Variants in DRC7 observed in about 807,000 individuals in gnomAD.
The protein encoded by DRC7 is dynein regulatory complex subunit 7.
Under a neutral mutation model 104.4 loss-of-function variants are expected in DRC7, and 80 were observed. The ratio of observed to expected loss-of-function variants is 0.77; its 90% CI spans 0.64 to 0.92. The LOEUF (loss-of-function observed/expected upper bound fraction) is 0.92. Ranked by LOEUF, DRC7 falls within the 40% of genes least tolerant of loss-of-function variation. DRC7 has a pLI of 0.00. For synonymous variants in DRC7, 405 were observed against 447.3 expected (o/e 0.91, Z 1.19); for missense variants, 1,034 against 1,141.1 (o/e 0.91, Z 1.35).
chr16:57,716,411 G>A (rs1389706919), intron 8 of DRC7, among the ~76,000 whole-genome samples: 2 of 150,824 alleles, frequency 1.3e-5, no homozygotes, highest in African/African-American at 4.9e-5. Flanking sequence ...GCTGAGGCAT[G>A]AGAATCGCTT....
chr16:57,722,574 C>T (rs1281745407), intron 10 of DRC7, 139 bp from the exon 11 acceptor site: 47 of 1,172,120 alleles, frequency 4.0e-5, no homozygotes, highest in Non-Finnish European at 5.3e-5. Flanking sequence ...TTATTCTCCT[C>T]GGCCTCCCTG....
At chr16:57,699,770 C>G (rs1246538513) in intron 4 of DRC7, among the ~76,000 whole-genome samples, 1 of 152,138 alleles carries the variant, frequency 6.6e-6, no homozygotes, top group Non-Finnish European at 1.5e-5. Flanking sequence ...CCCTGACTTG[C>G]TGGGTCACCT....
At chr16:57,714,539 T>C (rs148607552) in intron 8 of DRC7, among the ~76,000 whole-genome samples, 1,821 of 152,070 alleles carry the variant, frequency 0.012, 34 homozygotes, top group African/African-American at 0.041. Context: ...GGTGGGACGA[T>C]TGCTTGAGCC....
chr16:57,726,553 A>G (rs1418797314), intron 14 of DRC7: 4 of 558,630 alleles, frequency 7.2e-6, no homozygotes, highest in African/African-American at 1.9e-5. Flanking sequence ...GATCCTAGGG[A>G]GGCTCTGTGG....
At chr16:57,706,495 C>T (rs1324185369) in intron 7 of DRC7, among the ~76,000 whole-genome samples, 3 of 144,950 alleles carry the variant, frequency 2.1e-5, no homozygotes, top group African/African-American at 7.8e-5. Flanking sequence ...TCCTCTCATC[C>T]ATGCTTCCAT....
Position 57,699,679 on chromosome 16 carries a change from C to T in DRC7, c.379-466C>T, listed in dbSNP as rs527601602. On this transcript the variant is annotated intron_variant, in intron 4 of 18. Transcript: ENST00000360716. The stretch of plus-strand genomic sequence containing the variant: ...GGCCCCAGCCCAGAACCTCTGTAGG[C>T]CCCAGGGAGAGCATCGCTCCTGGGA... 3.9e-5 allele frequency among the ~76,000 whole-genome samples: 6 copies of T among 152,244 alleles called. 1 individual carries two copies. In the South Asian group the frequency reaches 1.2e-3, roughly 32 times the overall value.
Position 57,730,934 on chromosome 16 carries a change from A to G in DRC7, c.2395A>G (p.Thr799Ala), listed in dbSNP as rs752801600. 6.2e-7 allele frequency: 1 copy of G among 1,613,130 alleles called. No individual in the cohort carries two copies. Among genetic ancestry groups the G allele is most frequent in the East Asian group, 2.2e-5 (1 of 44,882 alleles). The change falls in exon 18 of 19, where the codon ACC becomes GCC. Residue 799 changes from threonine to alanine, a missense_variant. Physicochemically the swap from Thr to Ala is moderately conservative, Grantham distance 58. Coordinates refer to ENST00000360716, the MANE Select transcript of DRC7 (RefSeq NM_001289162.2). ...TCTGTCTGCCCTATGACCACAGGAG[A>G]CCCAGGAGCTGCAAAAGAAGCAGCA... ...NLIQARFEKE[T>A]QELQKKQQWY...
At position 57,724,769 on chromosome 16, in the gene DRC7, C is replaced by G. The variant is rs759518888; in HGVS notation, c.1692C>G (p.Ala564=). The G allele has an allele frequency of 1.9e-6, 3 of 1,613,802 alleles. No individual in the cohort carries two copies. The highest frequency in any genetic ancestry group is 1.7e-6 in the Non-Finnish European group (2 of 1,180,020). Residue 564 remains alanine (A), a synonymous_variant, in exon 13 of 19, where the codon GCC becomes GCG. Coordinates refer to ENST00000360716, the MANE Select transcript of DRC7 (RefSeq NM_001289162.2). ...GRPDFLSYRH[A]SFGPRVKKLT... ...CAGACTTCCTCTCCTACCGCCATGC[C>G]AGCTTCGGACCCCGAGTCAAGAAGC...
intron 17 of DRC7, 82 bp downstream of exon 17, chr16:57,728,666 C>A: frequency 5.0e-6 from 6 of 1,205,674 alleles, no homozygotes; most frequent in Non-Finnish European, 5.7e-6. Context: ...CCGCCCACTA[C>A]CTCACAGGCT....
At chr16:57,717,504 G>T (rs28638789) in intron 8 of DRC7, among the ~76,000 whole-genome samples, 28,226 of 151,240 alleles carry the variant, frequency 0.19, 2,823 homozygotes, top group East Asian at 0.28. Context: ...TTCGAAACCA[G>T]CCTGGCCAAA....
intron 8 of DRC7, among the ~76,000 whole-genome samples, chr16:57,709,012 C>G (rs2048763681): frequency 6.6e-6 from 1 of 151,862 alleles, no homozygotes; most frequent in South Asian, 2.1e-4. Flanking sequence ...ACCTGTAATC[C>G]CAGCTACTTG....
rs757937565 is a variant in DRC7, at chr16:57,726,873, C to G, written c.2016C>G (p.Tyr672Ter). 1.9e-6 allele frequency: 3 copies of G among 1,613,122 alleles called. No individual in the cohort carries two copies. Among genetic ancestry groups the G allele is most frequent in the Non-Finnish European group, 2.5e-6 (3 of 1,179,752 alleles). ...MEHTKKLLYQ[Y>*]EAMMHLKREE... is the part of the protein sequence containing the mutation. Reference sequence around the variant, plus strand: ...ACACCAAGAAGCTGCTCTACCAGTACGAGGCCATGATGCACCTGAAGAGGG... The same window carrying G: ...ACACCAAGAAGCTGCTCTACCAGTAGGAGGCCATGATGCACCTGAAGAGGG... The change falls in exon 15 of 19, where the codon TAC (tyrosine) becomes TAG (stop). Residue 672 changes from tyrosine (Y) to a stop codon, truncating the protein, a stop_gained. Coordinates refer to ENST00000360716, the MANE Select transcript of DRC7 (RefSeq NM_001289162.2). LOFTEE classifies it high-confidence loss of function.
intron 6 of DRC7, among the ~76,000 whole-genome samples, chr16:57,703,223 A>G (rs1250937859): frequency 5.3e-5 from 8 of 151,106 alleles, no homozygotes; most frequent in Non-Finnish European, 8.8e-5. Context: ...AAAAAAAAAA[A>G]AAATCACCAA....
At chr16:57,707,396 G>A (rs1308550968) in intron 7 of DRC7, 64 bp from the exon 8 acceptor site, 1 of 1,484,800 alleles carries the variant, frequency 6.7e-7, no homozygotes, top group Non-Finnish European at 9.2e-7. Context: ...CCAGGGAGAT[G>A]TCTGGGCCCC....
rs1210588233 is a variant in DRC7, at chr16:57,731,477, G to A, written c.*219G>A. On this transcript the variant is annotated 3_prime_UTR_variant, in exon 19 of 19. Coordinates refer to ENST00000360716, the MANE Select transcript of DRC7 (RefSeq NM_001289162.2). Reference sequence around the variant, plus strand: ...GCCATTTGTGCCTTGCGCTTCACAAGCTCCAGCAGCAGCCTTTCTCTTCTT... The same window carrying A: ...GCCATTTGTGCCTTGCGCTTCACAAACTCCAGCAGCAGCCTTTCTCTTCTT... 33 of 575,442 alleles carry A rather than the reference G, an allele frequency of 5.7e-5. No individual in the cohort carries two copies. The highest frequency in any genetic ancestry group is 4.6e-4 in the Middle Eastern group (1 of 2,170). 35.6% of individuals were successfully genotyped at this position (575,442 alleles called of 1,614,324 possible). A position where few individuals can be genotyped will look rare whatever the true frequency, so the allele number is the denominator to read the frequency against.
intron 17 of DRC7, among the ~76,000 whole-genome samples, chr16:57,730,047 C>CGGAT (rs373900512): frequency 4.4e-5 from 4 of 89,956 alleles, no homozygotes; most frequent in Non-Finnish European, 6.2e-5. Context: ...GACGGATGGA[C>CGGAT]GGATGGATGG....
At chr16:57,700,800 G>A (rs1177324753) in intron 5 of DRC7, among the ~76,000 whole-genome samples, 8 of 152,106 alleles carry the variant, frequency 5.3e-5, no homozygotes, top group South Asian at 4.1e-4. Context: ...CCCCTAGTGC[G>A]CAGGTCCCTC....
intron 8 of DRC7, among the ~76,000 whole-genome samples, chr16:57,709,325 T>C (rs1319836199): frequency 2.6e-5 from 4 of 152,216 alleles, no homozygotes; most frequent in Non-Finnish European, 5.9e-5. Flanking sequence ...CTTTTTCTTG[T>C]TTTATTTCTC....
At chr16:57,723,446 G>A (rs1163468376) in intron 12 of DRC7, among the ~76,000 whole-genome samples, 3 of 152,314 alleles carry the variant, frequency 2.0e-5, no homozygotes, top group East Asian at 1.9e-4. Flanking sequence ...ATTTAAAGGA[G>A]GCAGTGCCGG....
Sources: gnomAD v4.1 joint callset for allele counts (sites outside exome capture counted in the v4.1 genomes callset) on GRCh38, gnomAD v4.1.1 for gene constraint, MANE v1.5 for transcripts, NCBI Gene and HGNC (gene_info 2026-07-23, HGNC 2026-07-21) for gene names.